The following LINS1 variants were observed in gnomAD, a reference collection of about 807,000 sequenced individuals.
The protein encoded by LINS1 is protein Lines homolog 1.
A neutral mutation model predicts 41.6 loss-of-function variants in LINS1; 27 were observed. The observed-to-expected ratio is 0.65, with a 90% CI of 0.48 to 0.89. The LOEUF (loss-of-function observed/expected upper bound fraction) is 0.89, where lower values mean the gene tolerates loss of function less well. Ranked by LOEUF, LINS1 falls within the 40% of genes least tolerant of loss-of-function variation. LINS1 has a pLI of 0.00. For synonymous variants in LINS1, 336 were observed against 312.9 expected (o/e 1.07, Z -0.78); for missense variants, 955 against 884.1 (o/e 1.08, Z -1.02).
intron 6 of LINS1, among the ~76,000 whole-genome samples, chr15:100,570,905 C>A (rs1280363795): frequency 6.6e-6 from 1 of 152,190 alleles, no homozygotes. Flanking sequence ...ACACACTGAA[C>A]TGGATTCAGA....
rs761289480 is a variant in LINS1 at position 100,573,797 on chromosome 15, T to C, written c.1076A>G (p.His359Arg). 6.2e-7 allele frequency: 1 copy of C among 1,614,246 alleles called. No homozygotes were observed. The highest frequency in any genetic ancestry group is 8.5e-7 in the Non-Finnish European group (1 of 1,180,046). The change falls in exon 5 of 7, where the codon CAT (histidine) becomes CGT (arginine). Residue 359 changes from histidine to arginine, a missense_variant. Physicochemically the swap from His to Arg is conservative, Grantham distance 29. Coordinates refer to ENST00000314742, the MANE Select transcript of LINS1 (RefSeq NM_001040616.3). ...LLKTLSVYEK[H>R]SFFGGDEVQP... Reference sequence around the variant, plus strand: ...AACTTCATCACCTCCAAAAAAGGAATGTTTTTCATAAACAGACAGTGTCTT... The same window carrying C: ...AACTTCATCACCTCCAAAAAAGGAACGTTTTTCATAAACAGACAGTGTCTT...
At chr15:100,571,114 T>C (rs116068391) in intron 6 of LINS1, among the ~76,000 whole-genome samples, 4,395 of 152,242 alleles carry the variant, frequency 0.029, 89 homozygotes, top group African/African-American at 0.05. Context: ...CTTTTGAAAA[T>C]TGGCCCCAAA....
intron 3 of LINS1, among the ~76,000 whole-genome samples, chr15:100,578,965 A>T (rs1456788117): frequency 6.6e-6 from 1 of 151,764 alleles, no homozygotes; most frequent in African/African-American, 2.4e-5. Flanking sequence ...CATAGGTGGG[A>T]ACTGAACAAT....
intron 1 of LINS1, among the ~76,000 whole-genome samples, chr15:100,590,908 G>A (rs140170691): frequency 1.3e-5 from 2 of 152,300 alleles, no homozygotes; most frequent in African/African-American, 4.8e-5. Flanking sequence ...GCCAGGCATG[G>A]TAGCTCATAC....
At chr15:100,575,834 A>G (rs1218841909) in intron 3 of LINS1, among the ~76,000 whole-genome samples, 1 of 152,258 alleles carries the variant, frequency 6.6e-6, no homozygotes, top group African/African-American at 2.4e-5. Context: ...CTCTCAGACC[A>G]CAGTGCAATC....
At chr15:100,570,208 T>A in intron 6 of LINS1, 91 bp from the exon 7 acceptor site, 1 of 1,060,738 alleles carries the variant, frequency 9.4e-7, no homozygotes. Flanking sequence ...TAAATTAACC[T>A]ATTAGATTAC....
intron 1 of LINS1, among the ~76,000 whole-genome samples, chr15:100,600,087 T>C (rs1385443341): frequency 6.6e-6 from 1 of 151,892 alleles, no homozygotes; most frequent in African/African-American, 2.4e-5. Flanking sequence ...CAAACAAAAT[T>C]TGAACAAATT....
chr15:100,600,389 T>A (rs749923781), intron 1 of LINS1, among the ~76,000 whole-genome samples: 16 of 152,102 alleles, frequency 1.1e-4, no homozygotes, highest in Admixed American at 2.6e-4. Context: ...TGTTTGATTA[T>A]GTGACACCTA....
intron 1 of LINS1, among the ~76,000 whole-genome samples, chr15:100,581,236 A>G (rs1317779905): frequency 6.6e-6 from 1 of 152,182 alleles, no homozygotes; most frequent in Non-Finnish European, 1.5e-5. Flanking sequence ...CTTTGGCACT[A>G]TTAATATTTG....
chr15:100,575,320 T>C (rs570884212), intron 3 of LINS1, among the ~76,000 whole-genome samples, 192 bp from the exon 4 acceptor site: 1 of 151,096 alleles, frequency 6.6e-6, no homozygotes, highest in Non-Finnish European at 1.5e-5. Flanking sequence ...AATAAAGGGA[T>C]GGAGGAAGAT....
chr15:100,582,522 T>G (rs908308604), intron 1 of LINS1, among the ~76,000 whole-genome samples: 3 of 143,450 alleles, frequency 2.1e-5, no homozygotes, highest in Non-Finnish European at 3.0e-5. Flanking sequence ...CAGCCTAGTC[T>G]TGGTCTTACA....
In LINS1 at chr15:100,570,143, C is replaced by A. The variant is rs747332873; in HGVS notation, c.1395-26G>T. 3 of 1,552,444 alleles carry A rather than the reference C, an allele frequency of 1.9e-6. No homozygotes were observed. The East Asian group carries it at 6.7e-5, about 35-fold the overall frequency. On this transcript the variant is annotated intron_variant, in intron 6 of 6. Transcript: ENST00000314742. ...CTGAAAATGAAGATAATGGAGAATG[C>A]AGATTAATGACCTTACAAAAATAAA...
At position 100,574,098 on chromosome 15, in the gene LINS1, GA is replaced by G. The variant is rs2038012660; in HGVS notation, c.774del (p.Leu259SerfsTer8). On this transcript the variant is annotated frameshift_variant, in exon 5 of 7. Coordinates refer to ENST00000314742, the MANE Select transcript of LINS1 (RefSeq NM_001040616.3). LOFTEE classifies it high-confidence loss of function. ...ILMCFLDLLE[L>X]LIASRIHLKL... ...TTCAGGTGGATTCTGGAGGCGATGA[GA>G]AGCTCAAGCAAATCCAGGAAACACA... is the stretch of plus-strand genomic sequence containing the variant. The G allele has an allele frequency of 2.5e-6, 4 of 1,614,190 alleles. No homozygotes were observed. The East Asian group carries it at 8.9e-5, about 36-fold the overall frequency.
intron 1 of LINS1, among the ~76,000 whole-genome samples, chr15:100,588,115 C>T (rs542896843): frequency 6.6e-6 from 1 of 152,324 alleles, no homozygotes; most frequent in Admixed American, 6.5e-5. Flanking sequence ...TGGTCTTAAG[C>T]TGTAGTGAAT....
intron 1 of LINS1, among the ~76,000 whole-genome samples, chr15:100,601,655 GT>G (rs1413227994): frequency 6.6e-6 from 1 of 151,912 alleles, no homozygotes; most frequent in East Asian, 1.9e-4. Flanking sequence ...TTTTGTGTTT[GT>G]TTCCCCGAAA....
At position 100,580,714 on chromosome 15, in the gene LINS1, TGTA is replaced by T. The variant is rs2038497105; in HGVS notation, c.126_128del (p.Thr43del). ...TGTTTGCCCATTCTAAGGAGGTGGC[TGTA>T]GAACAATCTTGATCTGAAACTGCTG... On this transcript the variant is annotated inframe_deletion, in exon 2 of 7. Coordinates refer to ENST00000314742, the MANE Select transcript of LINS1 (RefSeq NM_001040616.3). The T allele has an allele frequency of 6.2e-7, 1 of 1,612,846 alleles. No homozygotes were observed. Among genetic ancestry groups the T allele is most frequent in the Non-Finnish European group, 8.5e-7 (1 of 1,179,166 alleles).
chr15:100,578,228 T>A (rs1311533301), intron 3 of LINS1, among the ~76,000 whole-genome samples: 1 of 151,612 alleles, frequency 6.6e-6, no homozygotes. Context: ...ACCATCAGAG[T>A]GAACAGACAA....
intron 1 of LINS1, among the ~76,000 whole-genome samples, chr15:100,582,503 A>G (rs1596928906): frequency 7.3e-6 from 1 of 136,308 alleles, no homozygotes; most frequent in Admixed American, 7.7e-5. Flanking sequence ...TGTCTACACT[A>G]TGGCCCACCA....
chr15:100,573,312 AT>A, intron 5 of LINS1: 2 of 995,420 alleles, frequency 2.0e-6, no homozygotes, highest in Non-Finnish European at 2.5e-6. Context: ...TGCAGTTTAG[AT>A]TAAAAAAAAA....
Sources: allele counts gnomAD v4.1 joint callset (sites outside exome capture counted in the v4.1 genomes callset), GRCh38; gene constraint gnomAD v4.1.1; transcripts MANE v1.5; gene names NCBI Gene and HGNC (gene_info 2026-07-23, HGNC 2026-07-21).